MPPED1: variants seen among roughly 807,000 people sequenced by gnomAD.
MPPED1 encodes the protein metallophosphoesterase domain-containing protein 1.
In MPPED1, 16 loss-of-function variants were observed where a neutral mutation model predicts 36.2. The ratio of observed to expected loss-of-function variants is 0.44; its 90% CI spans 0.30 to 0.67. The LOEUF (loss-of-function observed/expected upper bound fraction) is 0.67. Ranked by LOEUF, MPPED1 falls within the 30% of genes least tolerant of loss-of-function variation. The pLI, the probability that MPPED1 is intolerant of heterozygous loss-of-function variation, is 0.10. For missense variants in MPPED1, 307 were observed against 453.4 expected (o/e 0.68, Z 2.93); for synonymous variants, 199 against 191.3 (o/e 1.04, Z -0.33).
Position 43,474,333 on chromosome 22 carries a change from G to A in MPPED1, c.407-403G>A, listed in dbSNP as rs1931473367. Among the ~76,000 whole-genome samples the A allele has an allele frequency of 6.6e-6, 1 of 152,226 alleles. No individual in the cohort carries two copies. Among genetic ancestry groups the A allele is most frequent in the African/African-American group, 2.4e-5 (1 of 41,458 alleles). On this transcript the variant is annotated intron_variant, in intron 3 of 6. Transcript: ENST00000443721. This position sits in a 1 kb window ranked among gnomAD's most constrained non-coding sequence, Gnocchi z 5.2. ...GGAGGAACCTGTCCAGCCTCTTCCC[G>A]ATGATCTCAGGGGGCCGATGGCCAG...
At chr22:43,434,973 C>T (rs372904540) in intron 2 of MPPED1, 61 bp from the exon 3 acceptor site, 7 of 1,550,988 alleles carry the variant, frequency 4.5e-6, no homozygotes, top group Non-Finnish European at 3.5e-6. Context: ...GCTGCAGACA[C>T]ACCACCCGCA....
chr22:43,440,215 A>G (rs6003199), intron 3 of MPPED1, among the ~76,000 whole-genome samples: 71,257 of 152,144 alleles, frequency 0.47, 17,560 homozygotes, highest in Non-Finnish European at 0.55. Context: ...AGTAAATGGG[A>G]GCTTCAAGGA....
At chr22:43,457,427 G>C (rs1276657275) in intron 3 of MPPED1, among the ~76,000 whole-genome samples, 1 of 152,014 alleles carries the variant, frequency 6.6e-6, no homozygotes, top group Non-Finnish European at 1.5e-5. Flanking sequence ...TTTATAAACA[G>C]CATATAATTG....
chr22:43,469,915 T>C (rs546358613), intron 3 of MPPED1, among the ~76,000 whole-genome samples: 1 of 152,202 alleles, frequency 6.6e-6, no homozygotes, highest in African/African-American at 2.4e-5. Context: ...TCCATCCATC[T>C]ATATATGCAT....
intron 1 of MPPED1, chr22:43,416,617 G>A (rs1348905046): frequency 2.0e-5 from 3 of 152,144 alleles, no homozygotes; most frequent in African/African-American, 7.2e-5. Flanking sequence ...CCTTTTGTGT[G>A]TGGATATGTC....
intron 4 of MPPED1, among the ~76,000 whole-genome samples, chr22:43,494,904 G>A (rs1240383169): frequency 1.3e-5 from 2 of 152,142 alleles, no homozygotes; most frequent in East Asian, 3.8e-4. Context: ...CCTCCTTGCT[G>A]TTTCCTTACA....
chr22:43,422,233 G>A (rs1158132820), intron 1 of MPPED1, among the ~76,000 whole-genome samples: 1 of 152,260 alleles, frequency 6.6e-6, no homozygotes, highest in East Asian at 1.9e-4. Context: ...TACTCTCTGT[G>A]CAATGAGACG....
chr22:43,418,095 G>T (rs1433121108), intron 1 of MPPED1: 3 of 456,260 alleles, frequency 6.6e-6, no homozygotes, highest in Non-Finnish European at 1.3e-5. Context: ...AAGAGCTGCC[G>T]ATGAATGGAA....
intron 3 of MPPED1, among the ~76,000 whole-genome samples, chr22:43,459,115 C>T (rs1930856382): frequency 6.6e-6 from 1 of 152,012 alleles, no homozygotes; most frequent in East Asian, 1.9e-4. Flanking sequence ...CACTCTGTCA[C>T]CCAGGCTGGA....
At chr22:43,465,761 G>A (rs1167876728) in intron 3 of MPPED1, among the ~76,000 whole-genome samples, 2 of 152,164 alleles carry the variant, frequency 1.3e-5, no homozygotes, top group South Asian at 4.1e-4. Context: ...AAGGAAGGGC[G>A]GGAAGAGGAT....
chr22:43,491,784 G>T (rs1444740405), intron 4 of MPPED1, among the ~76,000 whole-genome samples: 1 of 149,780 alleles, frequency 6.7e-6, no homozygotes, highest in African/African-American at 2.5e-5. Context: ...AATGGAGGTG[G>T]TGGTAATGAT....
At chr22:43,497,255 G>C (rs1437619239) in intron 4 of MPPED1, among the ~76,000 whole-genome samples, 1 of 151,938 alleles carries the variant, frequency 6.6e-6, no homozygotes, top group Non-Finnish European at 1.5e-5. Flanking sequence ...GACATAAAGG[G>C]CCCATTCTTG....
intron 1 of MPPED1, among the ~76,000 whole-genome samples, chr22:43,422,846 ATCTTT>A (rs1929322606): frequency 6.6e-6 from 1 of 152,042 alleles, no homozygotes. Context: ...CTACTATCAA[ATCTTT>A]TCTTTCTTTT....
intron 3 of MPPED1, among the ~76,000 whole-genome samples, chr22:43,449,840 C>T (rs5996337): frequency 0.017 from 2,637 of 151,696 alleles, 87 homozygotes; most frequent in African/African-American, 0.061. Flanking sequence ...TGGTGAGACC[C>T]GAACAAGATA....
intron 1 of MPPED1, among the ~76,000 whole-genome samples, chr22:43,420,178 T>G (rs1478968598): frequency 6.6e-6 from 1 of 152,118 alleles, no homozygotes; most frequent in Non-Finnish European, 1.5e-5. Context: ...GTCCTACCGC[T>G]CAGCAGCCTG....
rs551289439 is a variant in MPPED1 at position 43,416,243 on chromosome 22, G to A, written c.-79+4085G>A. ...ATTTGTAAGTTTGTCATTCAGGCAC[G>A]TTAGTTAATTGATCATACTTGGGAG... On this transcript the variant is annotated intron_variant, in intron 1 of 6. Transcript: ENST00000443721. Among the ~76,000 whole-genome samples the A allele has an allele frequency of 1.5e-3, 227 of 152,294 alleles. 1 individual carries two copies. The highest frequency in any genetic ancestry group is 0.014 in the Middle Eastern group (4 of 294).
intron 2 of MPPED1, among the ~76,000 whole-genome samples, chr22:43,434,821 G>T (rs1190949061): frequency 1.3e-5 from 2 of 152,200 alleles, no homozygotes; most frequent in Non-Finnish European, 1.5e-5. Flanking sequence ...CTGAGGCTTG[G>T]GGGCCAAACA....
At chr22:43,492,019 T>C (rs374234665) in intron 4 of MPPED1, among the ~76,000 whole-genome samples, 2 of 150,534 alleles carry the variant, frequency 1.3e-5, no homozygotes, top group African/African-American at 4.9e-5. Flanking sequence ...ATGATGTTGG[T>C]GATGATGGAG....
intron 2 of MPPED1, among the ~76,000 whole-genome samples, chr22:43,425,657 C>T (rs1380548200): frequency 1.3e-5 from 2 of 152,204 alleles, no homozygotes; most frequent in Non-Finnish European, 2.9e-5. Flanking sequence ...ATGGGGAGAC[C>T]GAGCCCCAGA....
Sources: gnomAD v4.1 joint callset for allele counts (sites outside exome capture counted in the v4.1 genomes callset) on GRCh38, gnomAD v4.1.1 for gene constraint, Gnocchi (gnomAD v3.1) non-coding constraint, MANE v1.5 for transcripts, NCBI Gene and HGNC (gene_info 2026-07-23, HGNC 2026-07-21) for gene names.